Variants in YPEL2 observed in about 807,000 individuals in gnomAD.
YPEL2 encodes the protein protein yippee-like 2.
YPEL2 carries 2 observed loss-of-function variants against 19.1 expected under a neutral mutation model. The ratio of observed to expected loss-of-function variants is 0.10; its 90% CI spans 0.04 to 0.33. The LOEUF (loss-of-function observed/expected upper bound fraction) is 0.33, where lower values mean the gene tolerates loss of function less well. Among genes scored for constraint, YPEL2 ranks in the 10% least tolerant of loss-of-function variants. The pLI is 1.00. For synonymous variants in YPEL2, 52 were observed against 50.0 expected, an observed-to-expected ratio of 1.04 and a Z score of -0.17; for missense variants, 66 against 140.7, an observed-to-expected ratio of 0.47 and a Z score of 2.68.
intron 4 of YPEL2, among the ~76,000 whole-genome samples, chr17:59,391,340 G>A (rs973616301): frequency 5.3e-5 from 8 of 152,014 alleles, no homozygotes; most frequent in Non-Finnish European, 8.8e-5. Context: ...GGTGGGTAGC[G>A]GGTATGTGGA....
chr17:59,386,393 T>C (rs1173697578), intron 2 of YPEL2, among the ~76,000 whole-genome samples: 2 of 151,616 alleles, frequency 1.3e-5, no homozygotes, highest in African/African-American at 4.8e-5. Flanking sequence ...AACATGAGTA[T>C]CATTGGGTGC....
At chr17:59,391,613 T>C (rs1343311529) in intron 4 of YPEL2, among the ~76,000 whole-genome samples, 1 of 151,814 alleles carries the variant, frequency 6.6e-6, no homozygotes, top group Non-Finnish European at 1.5e-5. Context: ...CAAACAAAAA[T>C]GGGGCCAGGC....
At chr17:59,360,151 A>C (rs559698406) in intron 2 of YPEL2, among the ~76,000 whole-genome samples, 10 of 152,314 alleles carry the variant, frequency 6.6e-5, no homozygotes, top group Non-Finnish European at 1.5e-4. Flanking sequence ...ATCTTGGCTC[A>C]CTGCAAGCTC....
Position 59,397,257 on chromosome 17 carries a change from TGAGA to T in YPEL2, c.*71_*74del, listed in dbSNP as rs1463041250. 6.2e-6 allele frequency: 8 copies of T among 1,294,724 alleles called. No individual in the cohort carries two copies. Among genetic ancestry groups the T allele is most frequent in the Non-Finnish European group, 3.2e-6 (3 of 940,124 alleles). 80.2% of individuals were successfully genotyped at this position (1,294,724 alleles called of 1,614,324 possible). ...TTCAACCGAACATTCTTCCCAAGCGTGAGAGAGTGACTGACACTTGGTTCCATCC... is the reference window on the plus strand; with the variant it reads ...TTCAACCGAACATTCTTCCCAAGCGTGAGTGACTGACACTTGGTTCCATCC... On this transcript the variant is annotated 3_prime_UTR_variant, in exon 5 of 5. Coordinates refer to ENST00000312655, the MANE Select transcript of YPEL2 (RefSeq NM_001005404.4).
At chr17:59,392,168 C>T (rs906401695) in intron 4 of YPEL2, among the ~76,000 whole-genome samples, 3 of 152,182 alleles carry the variant, frequency 2.0e-5, no homozygotes, top group African/African-American at 7.2e-5. Flanking sequence ...CCCCTGTTTC[C>T]CAGCCTCTTG....
intron 1 of YPEL2, among the ~76,000 whole-genome samples, chr17:59,339,240 T>G (rs1476710144): frequency 6.6e-6 from 1 of 152,008 alleles, no homozygotes; most frequent in African/African-American, 2.4e-5. Context: ...TCAGGACAGG[T>G]TACGTTAATG....
intron 2 of YPEL2, among the ~76,000 whole-genome samples, chr17:59,378,946 T>G (rs913534395): frequency 4.6e-5 from 7 of 152,204 alleles, no homozygotes; most frequent in Non-Finnish European, 8.8e-5. Flanking sequence ...ACAGTCTTTT[T>G]AAAATCATAA....
intron 4 of YPEL2, among the ~76,000 whole-genome samples, chr17:59,393,147 T>C (rs75205292): frequency 0.091 from 13,877 of 152,184 alleles, 842 homozygotes; most frequent in African/African-American, 0.17. Flanking sequence ...TTGATTTATT[T>C]TATTTATTTT....
chr17:59,355,406 T>G (rs2047807559), intron 2 of YPEL2: 1 of 152,230 alleles, frequency 6.6e-6, no homozygotes, highest in Non-Finnish European at 1.5e-5. Context: ...CTTATCTGTT[T>G]GGCCTGGCAT....
At chr17:59,390,085 C>G (rs1242790621) in intron 4 of YPEL2, among the ~76,000 whole-genome samples, 1 of 152,194 alleles carries the variant, frequency 6.6e-6, no homozygotes, top group East Asian at 1.9e-4. Context: ...ACCACAACCT[C>G]TGTCTCCCAG....
At chr17:59,362,363 G>T (rs951429617) in intron 2 of YPEL2, among the ~76,000 whole-genome samples, 1 of 151,908 alleles carries the variant, frequency 6.6e-6, no homozygotes, top group Non-Finnish European at 1.5e-5. Flanking sequence ...CAGACCTGTC[G>T]CACAGTCACG....
At chr17:59,395,371 C>T (rs900105724) in intron 4 of YPEL2, among the ~76,000 whole-genome samples, 9 of 152,158 alleles carry the variant, frequency 5.9e-5, no homozygotes, top group Non-Finnish European at 1.0e-4. Flanking sequence ...AAGGGTACGC[C>T]TCAATTCCTT....
At chr17:59,370,030 A>G (rs896958414) in intron 2 of YPEL2, among the ~76,000 whole-genome samples, 5 of 152,348 alleles carry the variant, frequency 3.3e-5, no homozygotes, top group Admixed American at 1.3e-4. Context: ...AAGGAGACCC[A>G]GCTAGGAAAT....
chr17:59,376,949 CAAAAAAAAAA>C (rs59030676), intron 2 of YPEL2, among the ~76,000 whole-genome samples: 637 of 48,570 alleles, frequency 0.013, 6 homozygotes, highest in African/African-American at 0.033. Context: ...CACACTGTCT[CAAAAAAAAAA>C]AAAAAAAAAA....
At chr17:59,331,866 C>G (rs1249071358) in intron 1 of YPEL2, 42 bp downstream of exon 1, 2 of 151,436 alleles carry the variant, frequency 1.3e-5, no homozygotes, top group Non-Finnish European at 2.9e-5. Context: ...CGCGCGTGGG[C>G]GTGGGGCGCG....
intron 2 of YPEL2, among the ~76,000 whole-genome samples, chr17:59,384,495 A>G (rs1347162905): frequency 6.6e-6 from 1 of 152,216 alleles, no homozygotes; most frequent in Non-Finnish European, 1.5e-5. Flanking sequence ...TATTCACAAT[A>G]CGCTGAAAGC....
chr17:59,385,880 T>C (rs1014950881), intron 2 of YPEL2, among the ~76,000 whole-genome samples: 6 of 152,214 alleles, frequency 3.9e-5, no homozygotes, highest in Non-Finnish European at 8.8e-5. Context: ...ATTTAATAAA[T>C]GACTACTGTG....
chr17:59,377,628 G>A (rs930584477), intron 2 of YPEL2, among the ~76,000 whole-genome samples: 3 of 152,224 alleles, frequency 2.0e-5, no homozygotes, highest in African/African-American at 7.2e-5. Flanking sequence ...GTTTACCTTG[G>A]CATCTGCTGT....
At chr17:59,336,203 G>C (rs2047698065) in intron 1 of YPEL2, among the ~76,000 whole-genome samples, 1 of 152,010 alleles carries the variant, frequency 6.6e-6, no homozygotes, top group Admixed American at 6.6e-5. Context: ...TCTTTTTCTG[G>C]GATAATATAG....
Sources: gnomAD v4.1 joint callset for allele counts (sites outside exome capture counted in the v4.1 genomes callset) on GRCh38, gnomAD v4.1.1 for gene constraint, MANE v1.5 for transcripts, NCBI Gene and HGNC (gene_info 2026-07-23, HGNC 2026-07-21) for gene names.